Variants in EML6 observed in about 807,000 individuals in gnomAD.
The protein encoded by EML6 is echinoderm microtubule-associated protein-like 6.
A neutral mutation model predicts 240.1 loss-of-function variants in EML6; 154 were observed. The ratio of observed to expected loss-of-function variants is 0.64; its 90% CI spans 0.56 to 0.73. The LOEUF is 0.73. Among genes scored for constraint, EML6 ranks in the 30% least tolerant of loss-of-function variants. The probability of loss-of-function intolerance (pLI) is 0.00; values close to 1 mark genes in which losing one functional copy is unlikely to be tolerated. For missense variants in EML6, 2,964 were observed against 2,474.6 expected (o/e 1.20, Z -4.20); for synonymous variants, 1,148 against 899.0 (o/e 1.28, Z -4.95).
At chr2:54,810,926 G>A (rs1194057343) in intron 2 of EML6, among the ~76,000 whole-genome samples, 1 of 152,142 alleles carries the variant, frequency 6.6e-6, no homozygotes, top group African/African-American at 2.4e-5. Flanking sequence ...CCCAGGATCA[G>A]GCTCATAGGC....
At chr2:54,775,766 T>C (rs991459927) in intron 2 of EML6, among the ~76,000 whole-genome samples, 3 of 152,102 alleles carry the variant, frequency 2.0e-5, no homozygotes, top group Non-Finnish European at 4.4e-5. Context: ...GGAAGTACAG[T>C]AGTACCCTGC....
At chr2:54,793,209 G>A (rs1381746953) in intron 2 of EML6, among the ~76,000 whole-genome samples, 1 of 152,180 alleles carries the variant, frequency 6.6e-6, no homozygotes, top group African/African-American at 2.4e-5. Flanking sequence ...AGAGGCTGCA[G>A]TGAGCCAAAT....
intron 2 of EML6, among the ~76,000 whole-genome samples, chr2:54,745,329 G>A (rs1470607462): frequency 1.3e-5 from 2 of 152,148 alleles, no homozygotes; most frequent in Non-Finnish European, 2.9e-5. Flanking sequence ...GTGGTTGGAT[G>A]GAGATCCAGA....
intron 2 of EML6, among the ~76,000 whole-genome samples, chr2:54,776,905 G>A (rs1008749512): frequency 6.6e-6 from 1 of 152,070 alleles, no homozygotes; most frequent in Admixed American, 6.5e-5. Flanking sequence ...TGTGACTTAT[G>A]TCTTGTTTTC....
chr2:54,843,448 C>T (rs1364231683), intron 7 of EML6, among the ~76,000 whole-genome samples: 1 of 151,988 alleles, frequency 6.6e-6, no homozygotes, highest in African/African-American at 2.4e-5. Context: ...ACAAACAATC[C>T]TGCTGTAGAA....
intron 2 of EML6, among the ~76,000 whole-genome samples, chr2:54,797,848 ATTTT>A (rs543515220): frequency 6.6e-6 from 1 of 152,044 alleles, no homozygotes; most frequent in Admixed American, 6.6e-5. Flanking sequence ...TCATTGATAG[ATTTT>A]TTTTAATCCT....
chr2:54,901,134 A>C (rs191132403), intron 22 of EML6, among the ~76,000 whole-genome samples: 168 of 152,350 alleles, frequency 1.1e-3, no homozygotes, highest in African/African-American at 3.9e-3. Flanking sequence ...GAACCCCATG[A>C]GTAAGGCTAT....
chr2:54,820,085 T>G (rs560679944), intron 4 of EML6, among the ~76,000 whole-genome samples: 40 of 152,340 alleles, frequency 2.6e-4, no homozygotes, highest in African/African-American at 8.9e-4. Context: ...TTGAAAAATT[T>G]GATCAAAAAT....
chr2:54,900,432 A>G (rs942067764), intron 22 of EML6, among the ~76,000 whole-genome samples: 5 of 152,176 alleles, frequency 3.3e-5, no homozygotes, highest in African/African-American at 1.2e-4. Flanking sequence ...GGGATGGGGA[A>G]GGTATGAGGA....
intron 19 of EML6, among the ~76,000 whole-genome samples, 180 bp downstream of exon 19, chr2:54,892,836 G>A (rs1034067822): frequency 2.6e-5 from 4 of 152,112 alleles, no homozygotes; most frequent in African/African-American, 9.7e-5. Context: ...TTATAATTTC[G>A]TTTACAGTTG....
intron 16 of EML6, among the ~76,000 whole-genome samples, chr2:54,874,688 G>C (rs1044653635): frequency 3.3e-5 from 5 of 152,222 alleles, no homozygotes; most frequent in African/African-American, 1.2e-4. Flanking sequence ...GTTACATACA[G>C]ATGAATTGTA....
At chr2:54,898,021 A>G (rs1672859329) in intron 21 of EML6, among the ~76,000 whole-genome samples, 1 of 152,278 alleles carries the variant, frequency 6.6e-6, no homozygotes, top group African/African-American at 2.4e-5. Flanking sequence ...CACAGTTGGA[A>G]TAGACTGCTT....
chr2:54,724,650 C>T lies in EML6; in HGVS notation c.-412C>T, dbSNP rs928137761. 1 of 152,404 alleles carries T rather than the reference C, an allele frequency of 6.6e-6. No homozygotes were observed. The highest frequency in any genetic ancestry group is 2.1e-4 in the South Asian group (1 of 4,828). 9.4% of individuals were successfully genotyped at this position (152,404 alleles called of 1,614,324 possible). On this transcript the variant is annotated 5_prime_UTR_variant, in exon 2 of 42. Transcript: ENST00000356458. This position sits in a 1 kb window ranked among gnomAD's most constrained non-coding sequence, Gnocchi z 5.2. ...TAAATCCCGCCGCCTGCCGCGAAGCCCCGGCGCACCGCAAACTTCAGTGAG... is the reference window on the plus strand; with the variant it reads ...TAAATCCCGCCGCCTGCCGCGAAGCTCCGGCGCACCGCAAACTTCAGTGAG...
chr2:54,780,024 G>T (rs180720355), intron 2 of EML6, among the ~76,000 whole-genome samples: 79 of 151,984 alleles, frequency 5.2e-4, no homozygotes, highest in Admixed American at 2.8e-3. Flanking sequence ...TTAGGAGGTG[G>T]GACTCCCACT....
At chr2:54,846,923 A>ATTTTATTTTTTTTT (rs550909419) in intron 8 of EML6, among the ~76,000 whole-genome samples, 1 of 129,912 alleles carries the variant, frequency 7.7e-6, no homozygotes, top group Admixed American at 8.9e-5. Context: ...ATGAAGTAGT[A>ATTTTATTTTTTTTT]TTTTTTTTTT....
At chr2:54,942,181 T>C (rs1360914916) in intron 28 of EML6, among the ~76,000 whole-genome samples, 1 of 152,208 alleles carries the variant, frequency 6.6e-6, no homozygotes, top group Non-Finnish European at 1.5e-5. Context: ...TTCTTCACTT[T>C]TGATGACAAA....
In EML6 at chr2:54,847,559, AG is replaced by A; in HGVS notation, c.1124del (p.Ser375ThrfsTer11). 2 of 1,552,330 alleles carry A rather than the reference AG, an allele frequency of 1.3e-6. No homozygotes were observed. The highest frequency in any genetic ancestry group is 1.7e-6 in the Non-Finnish European group (2 of 1,147,144). On this transcript the variant is annotated frameshift_variant, in exon 9 of 42. Transcript: ENST00000356458. LOFTEE classifies it high-confidence loss of function. Reference protein sequence around the residue: ...MEEAVRSVAFSPDGSQLALGM... With the variant: ...MEEAVRSVAFXPDGSQLALGM... ...AGAGGCGGTTCGCAGTGTAGCTTTCAGCCCCGACGGATCTCAGCTGGCCCTG... is the reference window on the plus strand; with the variant it reads ...AGAGGCGGTTCGCAGTGTAGCTTTCACCCCGACGGATCTCAGCTGGCCCTG...
chr2:54,968,322 T>G, intron 40 of EML6, 41 bp downstream of exon 40: 2 of 1,546,296 alleles, frequency 1.3e-6, no homozygotes. Context: ...GGTTCTCTGT[T>G]TGGCCGTCTG....
intron 17 of EML6, chr2:54,881,071 G>T (rs1671783637): frequency 6.6e-6 from 1 of 152,034 alleles, no homozygotes; most frequent in Non-Finnish European, 1.5e-5. Flanking sequence ...TTCATATTTG[G>T]AATTGCTCCC....
Sources: gnomAD v4.1 joint callset for allele counts (sites outside exome capture counted in the v4.1 genomes callset) on GRCh38, gnomAD v4.1.1 for gene constraint, Gnocchi (gnomAD v3.1) non-coding constraint, MANE v1.5 for transcripts, NCBI Gene and HGNC (gene_info 2026-07-23, HGNC 2026-07-21) for gene names.